RP1: variants seen among roughly 807,000 people sequenced by gnomAD.
RP1 encodes the protein RP1 axonemal microtubule associated.
RP1 carries 16 observed loss-of-function variants against 14.8 expected under a neutral mutation model. The observed-to-expected ratio is 1.08, with a 90% CI of 0.73 to 1.65. The LOEUF is 1.65. RP1 is among the 40% of genes most tolerant of loss of function. RP1 has a pLI of 0.00. For missense variants in RP1, 2,631 were observed against 2,535.0 expected (o/e 1.04, Z -0.81); for synonymous variants, 876 against 883.6 (o/e 0.99, Z 0.15).
chr8:54,680,190 C>T (rs1325607179), intron 12 of RP1, among the ~76,000 whole-genome samples: 1 of 152,090 alleles, frequency 6.6e-6, no homozygotes, highest in African/African-American at 2.4e-5. Context: ...GTTATCAAAA[C>T]ACCATGTTAA....
At chr8:54,596,263 TG>T (rs1323468524) in intron 1 of RP1, among the ~76,000 whole-genome samples, 2 of 152,354 alleles carry the variant, frequency 1.3e-5, no homozygotes, top group Admixed American at 1.3e-4. Flanking sequence ...TTGTGATTTT[TG>T]GGGTACACTT....
intron 17 of RP1, among the ~76,000 whole-genome samples, chr8:54,734,389 C>T (rs1808863320): frequency 2.6e-5 from 4 of 152,120 alleles, no homozygotes; most frequent in Admixed American, 1.3e-4. Flanking sequence ...AGGAGACAAG[C>T]GCAAATCAGC....
Position 54,870,511 on chromosome 8 carries a change from G to C in RP1, c.*569G>C, listed in dbSNP as rs1428863165. On this transcript the variant is annotated 3_prime_UTR_variant, in exon 29 of 29. Coordinates refer to the RP1 transcript ENST00000637698. ...AATTGGGTTACTGTGTGTTCCCAGT[G>C]CACGTCCTGTGGGTCCACTTGCAGT... 7 of 152,218 alleles carry C rather than the reference G, an allele frequency of 4.6e-5. No individual in the cohort carries two copies. The East Asian group carries it at 1.4e-3, about 29-fold the overall frequency. 9.4% of individuals were successfully genotyped at this position (152,218 alleles called of 1,614,324 possible). A position where few individuals can be genotyped will look rare whatever the true frequency, so the allele number is the denominator to read the frequency against.
At chr8:54,704,144 C>T (rs1808094935) in intron 14 of RP1, among the ~76,000 whole-genome samples, 1 of 152,188 alleles carries the variant, frequency 6.6e-6, no homozygotes, top group African/African-American at 2.4e-5. Context: ...GGCTACCTTA[C>T]ACAAGGGGCC....
In RP1 at chr8:54,606,836, C is replaced by A. The variant is rs774787685; in HGVS notation, c.-12-14119C>A. Among the ~76,000 whole-genome samples, 5 of 152,306 alleles carry A rather than the reference C, an allele frequency of 3.3e-5. No homozygotes were observed. In the South Asian group the frequency reaches 1.0e-3, roughly 32 times the overall value. On this transcript the variant is annotated intron_variant, in intron 1 of 22. Transcript: ENST00000636932. ...TACCCTTTCTTCCAGTTGATCGAAT[C>A]GGCTACTGAGGCTTGTGCATTCGTC...
At chr8:54,654,410 G>A (rs942225746) in intron 5 of RP1, among the ~76,000 whole-genome samples, 2 of 152,036 alleles carry the variant, frequency 1.3e-5, no homozygotes, top group African/African-American at 4.8e-5. Context: ...AGTTCAAAAT[G>A]TTAGGTTATT....
chr8:54,644,561 G>A (rs1367091681), intron 3 of RP1, among the ~76,000 whole-genome samples: 1 of 152,106 alleles, frequency 6.6e-6, no homozygotes, highest in Non-Finnish European at 1.5e-5. Flanking sequence ...ATGGCTGATT[G>A]GATCAGTGAA....
intron 1 of RP1, among the ~76,000 whole-genome samples, chr8:54,617,773 C>CTT (rs1258174134): frequency 6.6e-6 from 1 of 152,250 alleles, no homozygotes; most frequent in Non-Finnish European, 1.5e-5. Context: ...ACTCTGTGAA[C>CTT]TTCCCATGGA....
intron 14 of RP1, among the ~76,000 whole-genome samples, chr8:54,702,196 T>A (rs1457780706): frequency 6.6e-6 from 1 of 152,156 alleles, no homozygotes; most frequent in South Asian, 2.1e-4. Flanking sequence ...CACTGACAAA[T>A]GCTATCTGTA....
At chr8:54,747,767 G>A (rs915756698) in intron 19 of RP1, among the ~76,000 whole-genome samples, 1 of 152,188 alleles carries the variant, frequency 6.6e-6, no homozygotes, top group African/African-American at 2.4e-5. Flanking sequence ...TGGGTGTGCT[G>A]CAGTGAGCTG....
intron 12 of RP1, among the ~76,000 whole-genome samples, chr8:54,683,079 T>C (rs953157703): frequency 6.6e-6 from 1 of 152,214 alleles, no homozygotes; most frequent in Non-Finnish European, 1.5e-5. Context: ...TGCTTGTTTT[T>C]GTCAGGTTAG....
chr8:54,701,650 G>T, exon 14 of RP1: 1 of 1,534,450 alleles, frequency 6.5e-7, no homozygotes. Context: ...AAGAATTTGT[G>T]ATTTTTGTCA....
At position 54,627,235 on chromosome 8, in the gene RP1, A is replaced by G. The variant is rs1159155135; in HGVS notation, c.3353A>G (p.His1118Arg). The G allele has an allele frequency of 1.9e-6, 3 of 1,614,080 alleles. No individual in the cohort carries two copies. The highest frequency in any genetic ancestry group is 2.2e-5 in the East Asian group (1 of 44,886). The change falls in exon 4 of 4, where the codon CAT (histidine) becomes CGT (arginine). Residue 1118 changes from histidine to arginine, a missense_variant. By Grantham distance (29) the His-to-Arg change is conservative (BLOSUM62 0). Transcript: ENST00000220676. ...GGTTCACTTGCAGGTGTTCCCTTTCATTCTGCAATATGTAATTCATCCACT... is the reference window on the plus strand; with the variant it reads ...GGTTCACTTGCAGGTGTTCCCTTTCGTTCTGCAATATGTAATTCATCCACT... Reference protein sequence around the residue: ...MPGSLAGVPFHSAICNSSTNL... With the variant: ...MPGSLAGVPFRSAICNSSTNL...
At chr8:54,660,314 C>A (rs1806857951) in intron 6 of RP1, among the ~76,000 whole-genome samples, 1 of 152,104 alleles carries the variant, frequency 6.6e-6, no homozygotes, top group East Asian at 1.9e-4. Context: ...TAGCTGTGAG[C>A]TTTTTATATA....
chr8:54,733,251 T>G (rs932943904), intron 17 of RP1, among the ~76,000 whole-genome samples: 1 of 152,168 alleles, frequency 6.6e-6, no homozygotes, highest in Non-Finnish European at 1.5e-5. Context: ...AAAATGAGCA[T>G]CATAATTTGA....
intron 1 of RP1, among the ~76,000 whole-genome samples, chr8:54,604,646 C>T (rs1022545548): frequency 1.8e-4 from 28 of 152,222 alleles, no homozygotes; most frequent in African/African-American, 5.3e-4. Flanking sequence ...TGGTAGAATT[C>T]GGCAGTCAAT....
intron 22 of RP1, among the ~76,000 whole-genome samples, chr8:54,768,784 C>T (rs1809828126): frequency 6.6e-6 from 1 of 152,106 alleles, no homozygotes; most frequent in African/African-American, 2.4e-5. Context: ...AAGGGAGCTT[C>T]TAACACTAAA....
chr8:54,759,112 G>A (rs996911423), intron 22 of RP1: 12 of 1,510,118 alleles, frequency 7.9e-6, no homozygotes, highest in African/African-American at 2.8e-5. Context: ...AAAAGAGTAT[G>A]CTGCACTGTG....
chr8:54,867,035 C>G (rs1052590853), intron 28 of RP1, among the ~76,000 whole-genome samples: 1 of 152,162 alleles, frequency 6.6e-6, no homozygotes, highest in Non-Finnish European at 1.5e-5. Flanking sequence ...CTTCAAAGAA[C>G]TTCCAATTGA....
Sources: allele counts gnomAD v4.1 joint callset (sites outside exome capture counted in the v4.1 genomes callset), GRCh38; gene constraint gnomAD v4.1.1; transcripts MANE v1.5; gene names NCBI Gene and HGNC (gene_info 2026-07-23, HGNC 2026-07-21).